LINC00237: variants seen among roughly 807,000 people sequenced by gnomAD.
LINC00237 encodes long intergenic non-protein coding RNA 237.
intron 2 of LINC00237, chr20:21,093,406 T>C (rs920737676): frequency 6.6e-6 from 1 of 152,224 alleles, no homozygotes; most frequent in Non-Finnish European, 1.5e-5. Context: ...CTTATACTCA[T>C]CCAACTTGCC....
chr20:21,086,620 A>G (rs1422780171), intron 3 of LINC00237, among the ~76,000 whole-genome samples: 6 of 116,960 alleles, frequency 5.1e-5, no homozygotes, highest in African/African-American at 2.1e-4. Context: ...TATATAGTAT[A>G]CTATATATAG....
chr20:21,095,634 A>G (rs2122175540), intron 1 of LINC00237, among the ~76,000 whole-genome samples: 1 of 152,344 alleles, frequency 6.6e-6, no homozygotes, highest in Admixed American at 6.5e-5. Context: ...AACTAGAAGA[A>G]TATAGATCAA....
intron 3 of LINC00237, among the ~76,000 whole-genome samples, chr20:21,086,653 A>ATATAGTATACTACC (rs2030703932): frequency 2.8e-5 from 3 of 107,526 alleles, no homozygotes; most frequent in African/African-American, 1.0e-4. Context: ...AGTATACTAT[A>ATATAGTATACTACC]TATGTATAGT....
intron 2 of LINC00237, among the ~76,000 whole-genome samples, chr20:21,090,741 C>A (rs1247025372): frequency 6.6e-6 from 1 of 152,158 alleles, no homozygotes; most frequent in Non-Finnish European, 1.5e-5. Context: ...GCTGCCCTTG[C>A]TCCCTGCTCT....
chr20:21,102,252 A>G (rs2030942200), intron 1 of LINC00237, among the ~76,000 whole-genome samples: 1 of 152,238 alleles, frequency 6.6e-6, no homozygotes, highest in Admixed American at 6.5e-5. Flanking sequence ...ATGCCATCTT[A>G]AGCGGGCACC....
chr20:21,097,212 T>G (rs1402527278), intron 1 of LINC00237, among the ~76,000 whole-genome samples: 4 of 152,314 alleles, frequency 2.6e-5, no homozygotes, highest in African/African-American at 9.6e-5. Flanking sequence ...TGCTAGAAGG[T>G]TAAGCCCACC....
At chr20:21,106,338 C>CG (rs1387789872) in exon 1 of LINC00237, 2 of 152,262 alleles carry the variant, frequency 1.3e-5, no homozygotes, top group African/African-American at 4.8e-5. Flanking sequence ...GAGGGGGCTC[C>CG]GCGCGCAGCC....
chr20:21,088,824 C>G (rs1402902226), intron 2 of LINC00237, among the ~76,000 whole-genome samples: 1 of 151,944 alleles, frequency 6.6e-6, no homozygotes, highest in African/African-American at 2.4e-5. Flanking sequence ...TGATGAGAGT[C>G]CAATGATGAA....
At chr20:21,094,975 C>T (rs1042662956) in intron 1 of LINC00237, among the ~76,000 whole-genome samples, 1 of 152,162 alleles carries the variant, frequency 6.6e-6, no homozygotes, top group Non-Finnish European at 1.5e-5. Flanking sequence ...CGCTTGAACC[C>T]AGGAGGTGAG....
intron 1 of LINC00237, among the ~76,000 whole-genome samples, chr20:21,096,515 A>G (rs2030860468): frequency 1.3e-5 from 2 of 152,234 alleles, no homozygotes; most frequent in South Asian, 4.1e-4. Flanking sequence ...CCGTGTGCCC[A>G]GTGAGAATAG....
In LINC00237 at chr20:21,104,309, G is replaced by A. The variant is rs1388566503; in HGVS notation, n.88+1962C>T. On this transcript the variant is annotated intron_variant and non_coding_transcript_variant, in intron 1 of 3. Coordinates refer to ENST00000691244, the Ensembl canonical transcript of LINC00237. ...TTTAAGGAATGATTTTCATAACAAG[G>A]ACAAAAGCGGCATGCGGGAACCAGA... Among the ~76,000 whole-genome samples the A allele has an allele frequency of 7.9e-4, 120 of 152,244 alleles. 1 individual carries two copies. The highest frequency in any genetic ancestry group is 1.6e-4 in the Non-Finnish European group (11 of 68,046).
chr20:21,099,562 A>G (rs551939505), intron 1 of LINC00237, among the ~76,000 whole-genome samples: 1 of 152,156 alleles, frequency 6.6e-6, no homozygotes, highest in African/African-American at 2.4e-5. Context: ...CTTCCCCTTC[A>G]GGTCATTCTT....
chr20:21,105,101 G>T (rs2030981176), intron 1 of LINC00237, among the ~76,000 whole-genome samples: 1 of 152,198 alleles, frequency 6.6e-6, no homozygotes, highest in Non-Finnish European at 1.5e-5. Flanking sequence ...CTGGCGCTCT[G>T]CAGGGCCTCT....
chr20:21,102,569 A>C (rs893813933), intron 1 of LINC00237, among the ~76,000 whole-genome samples: 2 of 152,190 alleles, frequency 1.3e-5, no homozygotes, highest in African/African-American at 4.8e-5. Flanking sequence ...GCCTTCCTGA[A>C]GTACATTCAC....
rs1428885144 is a variant in LINC00237 at position 21,101,368 on chromosome 20, C to G, written n.88+4903G>C. The G allele has an allele frequency of 1.3e-5, 2 of 152,236 alleles. No individual in the cohort carries two copies. The highest frequency in any genetic ancestry group is 6.5e-5 in the Admixed American group (1 of 15,290). The allele number at this position is 152,236 out of a possible 1,614,324, so 9.4% of individuals were successfully genotyped here. A position where few individuals can be genotyped will look rare whatever the true frequency, so the allele number is the denominator to read the frequency against. ...GGCTGACCCGCTAGCCCCCGCCAAA[C>G]CGCGACCACCCTCACCTAGGGCTCC... On this transcript the variant is annotated intron_variant and non_coding_transcript_variant, in intron 1 of 3. Coordinates refer to ENST00000691244, the Ensembl canonical transcript of LINC00237. This position sits in a 1 kb window ranked among gnomAD's most constrained non-coding sequence, Gnocchi z 4.3.
At chr20:21,095,943 C>G (rs1337977213) in intron 1 of LINC00237, among the ~76,000 whole-genome samples, 1 of 152,216 alleles carries the variant, frequency 6.6e-6, no homozygotes, top group Non-Finnish European at 1.5e-5. Context: ...CAAGTATGTG[C>G]TACATCGTTT....
chr20:21,086,657 G>GTATAGTATACTA (rs2030704480), intron 3 of LINC00237, among the ~76,000 whole-genome samples: 1 of 103,470 alleles, frequency 9.7e-6, no homozygotes, highest in Admixed American at 1.0e-4. Context: ...TACTATATAT[G>GTATAGTATACTA]TATAGTATAC....
At chr20:21,093,359 G>A (rs993236913) in intron 2 of LINC00237, 3 of 152,212 alleles carry the variant, frequency 2.0e-5, no homozygotes, top group African/African-American at 7.2e-5. Context: ...CCACTGGTCA[G>A]TAGGAGCATC....
chr20:21,086,635 CT>C (rs1406837429), intron 3 of LINC00237, among the ~76,000 whole-genome samples: 22 of 68,648 alleles, frequency 3.2e-4, no homozygotes, highest in Non-Finnish European at 8.9e-5. Flanking sequence ...ATATAGTATA[CT>C]ATATATAGTA....
Sources: gnomAD v4.1 joint callset for allele counts (sites outside exome capture counted in the v4.1 genomes callset) on GRCh38, gnomAD v4.1.1 for gene constraint, Gnocchi (gnomAD v3.1) non-coding constraint, MANE v1.5 for transcripts, NCBI Gene and HGNC (gene_info 2026-07-23, HGNC 2026-07-21) for gene names.